The following RBMS3 variants were observed in gnomAD, a reference collection of about 807,000 sequenced individuals.
RBMS3 encodes RNA binding motif single stranded interacting protein 3.
In RBMS3, 27 loss-of-function variants were observed where a neutral mutation model predicts 66.8. The ratio of observed to expected loss-of-function variants is 0.40; its 90% CI spans 0.30 to 0.56. RBMS3 has a LOEUF of 0.56. Among genes scored for constraint, RBMS3 ranks in the 20% least tolerant of loss-of-function variants. The probability of loss-of-function intolerance (pLI) is 0.40; values close to 1 mark genes in which losing one functional copy is unlikely to be tolerated. For synonymous variants in RBMS3, 188 were observed against 183.0 expected, an observed-to-expected ratio of 1.03 and a Z score of -0.22; for missense variants, 513 against 549.5, an observed-to-expected ratio of 0.93 and a Z score of 0.66.
At chr3:29,360,704 G>A (rs951461665) in intron 1 of RBMS3, among the ~76,000 whole-genome samples, 4 of 151,948 alleles carry the variant, frequency 2.6e-5, no homozygotes, top group African/African-American at 9.7e-5. Flanking sequence ...TGGTCTCTAA[G>A]GACTTGCTTT....
chr3:29,654,764 G>A (rs568240225), intron 4 of RBMS3, among the ~76,000 whole-genome samples: 9 of 138,872 alleles, frequency 6.5e-5, no homozygotes, highest in African/African-American at 1.9e-4. Flanking sequence ...TAATTTTTGC[G>A]TTTTTTTTTT....
At chr3:29,591,895 A>T (rs2047750743) in intron 4 of RBMS3, among the ~76,000 whole-genome samples, 1 of 152,156 alleles carries the variant, frequency 6.6e-6, no homozygotes, top group Non-Finnish European at 1.5e-5. Context: ...CCCAAAGGTG[A>T]TTCATTTCCA....
chr3:29,917,265 C>T (rs2060660342), intron 10 of RBMS3, among the ~76,000 whole-genome samples: 1 of 152,032 alleles, frequency 6.6e-6, no homozygotes, highest in Non-Finnish European at 1.5e-5. Flanking sequence ...AAATAGCAAG[C>T]AGGTGTAATT....
At chr3:29,953,651 T>C (rs1215897349) in intron 12 of RBMS3, among the ~76,000 whole-genome samples, 2 of 152,024 alleles carry the variant, frequency 1.3e-5, no homozygotes, top group East Asian at 3.9e-4. Context: ...TTCTAGGCAC[T>C]GTTCTTAGTG....
intron 3 of RBMS3, among the ~76,000 whole-genome samples, chr3:29,542,904 A>C (rs1249815899): frequency 6.6e-6 from 1 of 152,244 alleles, no homozygotes; most frequent in Non-Finnish European, 1.5e-5. Flanking sequence ...CATCCTTGGC[A>C]AAGGTAAAAT....
At chr3:29,960,758 T>C (rs1454474391) in intron 12 of RBMS3, among the ~76,000 whole-genome samples, 3 of 152,174 alleles carry the variant, frequency 2.0e-5, no homozygotes, top group Admixed American at 6.5e-5. Flanking sequence ...GCTTGCACTC[T>C]CTGAAGCCAT....
chr3:29,830,377 A>G (rs2058340792), intron 6 of RBMS3, among the ~76,000 whole-genome samples: 1 of 152,222 alleles, frequency 6.6e-6, no homozygotes, highest in Non-Finnish European at 1.5e-5. Context: ...AACCAACAGA[A>G]TACCGTCTTC....
chr3:29,387,730 G>A (rs980256532), intron 1 of RBMS3, among the ~76,000 whole-genome samples: 10 of 152,000 alleles, frequency 6.6e-5, no homozygotes, highest in South Asian at 6.2e-4. Flanking sequence ...GTGAAACCCC[G>A]TCCCTACTAA....
At chr3:29,522,351 C>T (rs1161681705) in intron 3 of RBMS3, among the ~76,000 whole-genome samples, 2 of 152,134 alleles carry the variant, frequency 1.3e-5, no homozygotes, top group African/African-American at 2.4e-5. Context: ...CACCACCATG[C>T]CCAGCTAATT....
At chr3:29,670,241 A>T (rs1439165213) in intron 4 of RBMS3, among the ~76,000 whole-genome samples, 1 of 152,152 alleles carries the variant, frequency 6.6e-6, no homozygotes, top group African/African-American at 2.4e-5. Context: ...ATTTGGAAAT[A>T]GGGTCATTGA....
In RBMS3 at chr3:29,796,712, C is replaced by CTTTTTTTTTTTTTT. The variant is rs71295051; in HGVS notation, c.637+33727_637+33740dup. ...TGAGAAGTAATATTTTGAAAGGAAT[C>CTTTTTTTTTTTTTT]TTTTTTTTTTTTTTTTTGGAGATGG... On this transcript the variant is annotated intron_variant, in intron 6 of 14. Transcript: ENST00000383767. Among the ~76,000 whole-genome samples the CTTTTTTTTTTTTTT allele has an allele frequency of 9.0e-3, 1,037 of 115,198 alleles. 127 individuals carry two copies. Among genetic ancestry groups the CTTTTTTTTTTTTTT allele is most frequent in the African/African-American group, 0.033 (899 of 27,098 alleles). 75.6% of individuals were successfully genotyped at this position (115,198 alleles called of 152,430 possible).
At chr3:29,324,149 C>G (rs1218850694) in intron 1 of RBMS3, among the ~76,000 whole-genome samples, 1 of 152,116 alleles carries the variant, frequency 6.6e-6, no homozygotes, top group Non-Finnish European at 1.5e-5. Flanking sequence ...GTGCAATGAA[C>G]TTAAATGCAC....
intron 5 of RBMS3, among the ~76,000 whole-genome samples, 178 bp from the exon 6 acceptor site, chr3:29,762,732 C>T (rs2055747665): frequency 1.3e-5 from 2 of 152,082 alleles, no homozygotes; most frequent in African/African-American, 2.4e-5. Context: ...ACTTTCTAAG[C>T]ATTAATGAGT....
intron 4 of RBMS3, among the ~76,000 whole-genome samples, chr3:29,596,912 A>G (rs2047964324): frequency 1.3e-5 from 2 of 152,204 alleles, no homozygotes; most frequent in Non-Finnish European, 2.9e-5. Context: ...TGTGACCTCA[A>G]ACTGAATTTT....
intron 3 of RBMS3, among the ~76,000 whole-genome samples, chr3:29,569,314 C>G (rs989063759): frequency 6.6e-6 from 1 of 152,060 alleles, no homozygotes; most frequent in Non-Finnish European, 1.5e-5. Flanking sequence ...GAGATTTCCT[C>G]TGTAAGTCAT....
chr3:29,529,882 A>G (rs1488626439), intron 3 of RBMS3, among the ~76,000 whole-genome samples: 5 of 152,226 alleles, frequency 3.3e-5, no homozygotes, highest in Non-Finnish European at 7.3e-5. Flanking sequence ...CTGCATATGG[A>G]TAATTATTGG....
At chr3:29,378,018 T>C (rs1174679935) in intron 1 of RBMS3, among the ~76,000 whole-genome samples, 3 of 152,202 alleles carry the variant, frequency 2.0e-5, no homozygotes, top group East Asian at 1.9e-4. Flanking sequence ...ATTCCTCTTA[T>C]TGAGCATTGG....
chr3:29,657,517 G>A (rs1467978275), intron 4 of RBMS3, among the ~76,000 whole-genome samples: 1 of 152,200 alleles, frequency 6.6e-6, no homozygotes, highest in Non-Finnish European at 1.5e-5. Flanking sequence ...AAGCATGCCT[G>A]TGACTGTCTG....
chr3:29,818,300 T>A (rs997380007), intron 6 of RBMS3, among the ~76,000 whole-genome samples: 12 of 152,212 alleles, frequency 7.9e-5, no homozygotes, highest in Middle Eastern at 6.8e-3. Context: ...GTTACTATTT[T>A]AAAATTTTTC....
Sources: gnomAD v4.1 joint callset for allele counts (sites outside exome capture counted in the v4.1 genomes callset) on GRCh38, gnomAD v4.1.1 for gene constraint, MANE v1.5 for transcripts, NCBI Gene and HGNC (gene_info 2026-07-23, HGNC 2026-07-21) for gene names.